The following GOLIM4 variants were observed in gnomAD, a reference collection of about 807,000 sequenced individuals.
The protein encoded by GOLIM4 is 130 kDa golgi-localized phosphoprotein.
GOLIM4 carries 71 observed loss-of-function variants against 107.4 expected under a neutral mutation model. The observed-to-expected ratio is 0.66, with a 90% CI of 0.55 to 0.81. The LOEUF (loss-of-function observed/expected upper bound fraction) is 0.81. Among genes scored for constraint, GOLIM4 ranks in the 30% least tolerant of loss-of-function variants. The probability of loss-of-function intolerance (pLI) is 0.00; values close to 1 mark genes in which losing one functional copy is unlikely to be tolerated. For synonymous variants in GOLIM4, 327 were observed against 294.8 expected, an observed-to-expected ratio of 1.11 and a Z score of -1.12; for missense variants, 830 against 826.1, an observed-to-expected ratio of 1.00 and a Z score of -0.06.
At chr3:168,014,044 C>A (rs1232181778) in intron 14 of GOLIM4, among the ~76,000 whole-genome samples, 25 of 136,408 alleles carry the variant, frequency 1.8e-4, no homozygotes, top group Admixed American at 6.3e-4. Flanking sequence ...AAAATCAGAG[C>A]AGAACTGAAG....
chr3:168,092,374 T>C (rs1721957273), intron 1 of GOLIM4, among the ~76,000 whole-genome samples: 1 of 152,196 alleles, frequency 6.6e-6, no homozygotes, highest in Admixed American at 6.5e-5. Context: ...CCTTTCTGCA[T>C]GCCATCCCCA....
chr3:168,043,340 T>A, intron 5 of GOLIM4, 39 bp downstream of exon 5: 1 of 1,434,320 alleles, frequency 7.0e-7, no homozygotes, highest in East Asian at 2.3e-5. Context: ...ATATCAGTAC[T>A]TATTTAGAGA....
intron 1 of GOLIM4, among the ~76,000 whole-genome samples, chr3:168,067,671 T>A (rs1186267004): frequency 2.0e-5 from 3 of 151,932 alleles, no homozygotes; most frequent in Non-Finnish European, 2.9e-5. Flanking sequence ...TATAGTAGAG[T>A]TAATAAAAGT....
At chr3:168,024,793 T>C (rs893567012) in intron 13 of GOLIM4, 135 bp downstream of exon 13, 3 of 880,634 alleles carry the variant, frequency 3.4e-6, no homozygotes, top group Non-Finnish European at 3.7e-6. Context: ...AGGCATATCA[T>C]GTCATAAAGT....
At chr3:168,069,538 A>G (rs1316297001) in intron 1 of GOLIM4, among the ~76,000 whole-genome samples, 1 of 152,234 alleles carries the variant, frequency 6.6e-6, no homozygotes, top group Non-Finnish European at 1.5e-5. Context: ...TAAAAACTCA[A>G]ATTCAGTGGA....
Position 168,010,374 on chromosome 3 carries a change from A to G in GOLIM4, c.1986T>C (p.Asp662=). The G allele has an allele frequency of 1.2e-6, 2 of 1,612,412 alleles. No individual in the cohort carries two copies. The highest frequency in any genetic ancestry group is 1.7e-4 in the Middle Eastern group (1 of 6,056). ...NNDGEEQEVR[D]DNRPKGREEH... is the part of the protein sequence containing the mutation. Reference sequence around the variant, plus strand: ...CCTCTCGGCCTTTGGGGCGGTTGTCATCTCGAACTTCTTGCTCTTCTCCAT... The same window carrying G: ...CCTCTCGGCCTTTGGGGCGGTTGTCGTCTCGAACTTCTTGCTCTTCTCCAT... Residue 662 remains aspartate (D), a synonymous_variant, in exon 16 of 16, where the codon GAT becomes GAC. Coordinates refer to ENST00000470487, the MANE Select transcript of GOLIM4 (RefSeq NM_014498.5).
At chr3:168,069,235 G>A (rs528138508) in intron 1 of GOLIM4, among the ~76,000 whole-genome samples, 2 of 152,146 alleles carry the variant, frequency 1.3e-5, no homozygotes, top group South Asian at 2.1e-4. Flanking sequence ...TAAAATAAAT[G>A]GAGTTTTATT....
rs530199143 is a variant in GOLIM4 at position 168,024,149 on chromosome 3, G to T, written c.1860+377C>A. On this transcript the variant is annotated intron_variant, in intron 14 of 15. Transcript: ENST00000470487. ...GGGTATTCCTGTGAGGTAGGCACTG[G>T]GGAGATGCCTGAAGAGAAAGTTACA... 3.3e-5 allele frequency among the ~76,000 whole-genome samples: 5 copies of T among 152,192 alleles called. No homozygotes were observed. The South Asian group carries it at 1.0e-3, about 32-fold the overall frequency.
intron 11 of GOLIM4, 126 bp from the exon 12 acceptor site, chr3:168,027,963 A>G (rs375332371): frequency 2.4e-5 from 16 of 673,792 alleles, no homozygotes; most frequent in South Asian, 5.3e-5. Context: ...TTAACTCAAC[A>G]TAAGGCCTAT....
intron 1 of GOLIM4, among the ~76,000 whole-genome samples, chr3:168,064,247 C>T (rs146901470): frequency 1.9e-3 from 286 of 152,330 alleles, no homozygotes; most frequent in African/African-American, 6.6e-3. Flanking sequence ...CACTACTACA[C>T]TGTGGGGCTA....
chr3:168,047,343 C>A (rs1045095293), intron 2 of GOLIM4, among the ~76,000 whole-genome samples: 1 of 152,130 alleles, frequency 6.6e-6, no homozygotes, highest in East Asian at 1.9e-4. Context: ...TTATTGCTAT[C>A]CACTAGATGG....
At position 168,084,624 on chromosome 3, in the gene GOLIM4, A is replaced by G. The variant is rs530742044; in HGVS notation, c.187+10475T>C. 1.9e-3 allele frequency among the ~76,000 whole-genome samples: 286 copies of G among 152,312 alleles called. 1 individual carries two copies. The highest frequency in any genetic ancestry group is 3.2e-3 in the Non-Finnish European group (220 of 68,034). On this transcript the variant is annotated intron_variant, in intron 1 of 15. Coordinates refer to ENST00000470487, the MANE Select transcript of GOLIM4 (RefSeq NM_014498.5). ...CCTTTCCCACAGAAGTTGTGAGATA[A>G]TGTTCATTGTTCTACAACAGTTAAG...
intron 7 of GOLIM4, among the ~76,000 whole-genome samples, chr3:168,039,817 TGATCCCTGAC>T (rs938992463): frequency 6.6e-6 from 1 of 152,126 alleles, no homozygotes; most frequent in African/African-American, 2.4e-5. Context: ...TGAAATGAAA[TGATCCCTGAC>T]GTCAATTTCA....
At chr3:168,089,377 G>A (rs1362465552) in intron 1 of GOLIM4, among the ~76,000 whole-genome samples, 1 of 152,150 alleles carries the variant, frequency 6.6e-6, no homozygotes, top group African/African-American at 2.4e-5. Flanking sequence ...AATTGCTGAG[G>A]TCTATGAACC....
intron 1 of GOLIM4, among the ~76,000 whole-genome samples, chr3:168,085,372 A>G (rs1721567962): frequency 6.6e-6 from 1 of 152,212 alleles, no homozygotes; most frequent in Admixed American, 6.5e-5. Flanking sequence ...CCTTTGGGAA[A>G]TTTAAGGGCA....
intron 14 of GOLIM4, among the ~76,000 whole-genome samples, chr3:168,016,627 G>A (rs1717379563): frequency 7.5e-6 from 1 of 133,230 alleles, no homozygotes; most frequent in Non-Finnish European, 1.5e-5. Flanking sequence ...CAATAGCAAA[G>A]ACTTGGAACC....
chr3:168,082,741 A>C (rs1317274530), intron 1 of GOLIM4, among the ~76,000 whole-genome samples: 1 of 152,142 alleles, frequency 6.6e-6, no homozygotes, highest in Non-Finnish European at 1.5e-5. Flanking sequence ...CACCAAGAGC[A>C]GGAGTTCACA....
At chr3:168,040,985 A>T in intron 6 of GOLIM4, 116 bp from the exon 7 acceptor site, 1 of 677,900 alleles carries the variant, frequency 1.5e-6, no homozygotes, top group Admixed American at 2.3e-5. Context: ...TTGTTGTAGC[A>T]GCATGTGTTA....
chr3:168,063,167 A>G (rs1720358987), intron 1 of GOLIM4, among the ~76,000 whole-genome samples: 1 of 152,054 alleles, frequency 6.6e-6, no homozygotes, highest in South Asian at 2.1e-4. Context: ...ACACCACCAA[A>G]CTACTTAACT....
Sources: allele counts gnomAD v4.1 joint callset (sites outside exome capture counted in the v4.1 genomes callset), GRCh38; gene constraint gnomAD v4.1.1; transcripts MANE v1.5; gene names NCBI Gene and HGNC (gene_info 2026-07-23, HGNC 2026-07-21).